Variants in HYDIN observed in about 807,000 individuals in gnomAD.
The protein encoded by HYDIN is axonemal central pair apparatus protein HYDIN.
Under a neutral mutation model 403.9 loss-of-function variants are expected in HYDIN, and 132 were observed. That is an observed-to-expected ratio of 0.33 (90% CI 0.28 to 0.38). The LOEUF (loss-of-function observed/expected upper bound fraction) is 0.38. Ranked by LOEUF, HYDIN falls within the 10% of genes least tolerant of loss-of-function variation. The probability of loss-of-function intolerance (pLI) is 1.00; values close to 1 mark genes in which losing one functional copy is unlikely to be tolerated. For synonymous variants in HYDIN, 1,202 were observed against 1,891.7 expected (o/e 0.64, Z 9.46); for missense variants, 2,827 against 5,009.5 (o/e 0.56, Z 13.15).
chr16:70,807,624 T>G lies in HYDIN; in HGVS notation c.15322A>C (p.Thr5108Pro). The stretch of plus-strand genomic sequence containing the variant: ...AGATAATAAACCCATTTAACTCCAG[T>G]CTCACTCCCTTCACCAGGAGGGCAG... ...VSCPPGEGSE[T>P]GVKWVYYLKG... Residue 5108 changes from threonine to proline, a missense_variant, in exon 86 of 86, where the codon ACT (threonine) becomes CCT (proline). Coordinates refer to ENST00000393567, the MANE Select transcript of HYDIN (RefSeq NM_001270974.2). 3 of 1,614,110 alleles carry G rather than the reference T, an allele frequency of 1.9e-6. No individual in the cohort carries two copies. The highest frequency in any genetic ancestry group is 2.5e-6 in the Non-Finnish European group (3 of 1,179,986).
chr16:71,048,981 G>A (rs1347085234), intron 18 of HYDIN, among the ~76,000 whole-genome samples: 1 of 152,196 alleles, frequency 6.6e-6, no homozygotes, highest in East Asian at 1.9e-4. Flanking sequence ...AGTTAAGAGG[G>A]CTGACTATAA....
chr16:71,064,741 T>C lies in HYDIN; in HGVS notation c.2175A>G (p.Gln725=), dbSNP rs779447998. ...PYEKTLQLAN[Q]DDLPGFYEVQ... ...CCTCATAGAATCCTGGGAGGTCATC[T>C]TGATTGGCAAGCTGGAGTGTTTTCT... Residue 725 remains glutamine, a synonymous_variant, in exon 16 of 86, where the codon CAA becomes CAG. Transcript: ENST00000393567. The C allele has an allele frequency of 3.1e-6, 5 of 1,614,140 alleles. No homozygotes were observed.
At chr16:71,207,717 G>C (rs2088372907) in intron 1 of HYDIN, among the ~76,000 whole-genome samples, 2 of 152,042 alleles carry the variant, frequency 1.3e-5, no homozygotes, top group African/African-American at 4.8e-5. Context: ...GAAGTAAAGG[G>C]ATGGAGAAAA....
At chr16:71,057,715 T>G (rs1048993223) in intron 18 of HYDIN, among the ~76,000 whole-genome samples, 10 of 150,906 alleles carry the variant, frequency 6.6e-5, no homozygotes, top group African/African-American at 2.4e-4. Context: ...AGGGCTAATA[T>G]CCAGAATCTA....
chr16:71,228,057 G>A (rs2041117710), intron 1 of HYDIN, among the ~76,000 whole-genome samples: 2 of 152,084 alleles, frequency 1.3e-5, no homozygotes, highest in African/African-American at 4.8e-5. Flanking sequence ...ACAAGAAATG[G>A]GGAAAGGATT....
intron 76 of HYDIN, among the ~76,000 whole-genome samples, chr16:70,839,783 T>C (rs1443883477): frequency 1.4e-5 from 2 of 145,384 alleles, no homozygotes; most frequent in East Asian, 4.2e-4. Context: ...TCCAAGTCTA[T>C]TGCACGACAA....
chr16:71,062,605 C>T, intron 16 of HYDIN: 1 of 308,822 alleles, frequency 3.2e-6, no homozygotes, highest in East Asian at 6.3e-5. Flanking sequence ...TTTCCACTTT[C>T]CTTAGGAAAA....
At chr16:71,190,505 A>G (rs2144677918) in intron 1 of HYDIN, among the ~76,000 whole-genome samples, 1 of 152,366 alleles carries the variant, frequency 6.6e-6, no homozygotes, top group East Asian at 1.9e-4. Context: ...CTATTTTAGT[A>G]TAAATTGCAT....
intron 13 of HYDIN, among the ~76,000 whole-genome samples, chr16:71,077,228 A>G (rs562201922): frequency 7.9e-5 from 12 of 152,164 alleles, no homozygotes; most frequent in East Asian, 1.9e-4. Flanking sequence ...GTACATTATA[A>G]TATCTGATAA....
chr16:70,946,889 T>G (rs2143901778), intron 41 of HYDIN, among the ~76,000 whole-genome samples: 1 of 152,336 alleles, frequency 6.6e-6, no homozygotes. Context: ...ACATTGATTT[T>G]GTATCCTGAG....
chr16:70,927,747 G>T (rs1309843072), intron 45 of HYDIN, among the ~76,000 whole-genome samples: 2 of 152,172 alleles, frequency 1.3e-5, no homozygotes, highest in Non-Finnish European at 2.9e-5. Context: ...AACACAGAAG[G>T]AGCACAATCA....
intron 44 of HYDIN, among the ~76,000 whole-genome samples, chr16:70,937,064 C>T (rs1207110825): frequency 6.6e-6 from 1 of 152,054 alleles, no homozygotes; most frequent in African/African-American, 2.4e-5. Context: ...TCCAGGAATT[C>T]CTAATTGTTT....
At chr16:71,084,859 G>T (rs904525879) in intron 12 of HYDIN, among the ~76,000 whole-genome samples, 19 of 151,390 alleles carry the variant, frequency 1.3e-4, no homozygotes, top group Non-Finnish European at 2.4e-4. Flanking sequence ...AAATAATCAT[G>T]TGGTTTTTGT....
At chr16:71,114,622 G>T (rs2144461360) in intron 10 of HYDIN, among the ~76,000 whole-genome samples, 1 of 148,718 alleles carries the variant, frequency 6.7e-6, no homozygotes, top group African/African-American at 2.5e-5. Flanking sequence ...ACACATGCAT[G>T]TACACATGCA....
chr16:70,937,952 G>A (rs1490555030), intron 44 of HYDIN, among the ~76,000 whole-genome samples: 2 of 152,160 alleles, frequency 1.3e-5, no homozygotes, highest in African/African-American at 2.4e-5. Flanking sequence ...GCAGTCCTAA[G>A]TATCCTGGGC....
intron 1 of HYDIN, among the ~76,000 whole-genome samples, chr16:71,210,369 G>A (rs1206921203): frequency 2.0e-5 from 3 of 152,152 alleles, no homozygotes; most frequent in African/African-American, 7.2e-5. Context: ...GAACATGGAT[G>A]GAACGTTAGA....
intron 68 of HYDIN, among the ~76,000 whole-genome samples, 189 bp from the exon 69 acceptor site, chr16:70,862,444 GA>G (rs1397158731): frequency 8.6e-6 from 1 of 116,620 alleles, no homozygotes; most frequent in Non-Finnish European, 1.8e-5. Context: ...GGAGACTCAT[GA>G]AAAATGTTTC....
intron 8 of HYDIN, among the ~76,000 whole-genome samples, chr16:71,134,331 A>C (rs918426688): frequency 6.6e-6 from 1 of 151,926 alleles, no homozygotes; most frequent in Non-Finnish European, 1.5e-5. Context: ...GTCTGACCTG[A>C]AAGTTTACCA....
intron 7 of HYDIN, among the ~76,000 whole-genome samples, chr16:71,148,579 A>G (rs2085409056): frequency 6.6e-6 from 1 of 152,168 alleles, no homozygotes; most frequent in African/African-American, 2.4e-5. Flanking sequence ...ACATAAATTT[A>G]GAAAATAAGC....
Sources: gnomAD v4.1 joint callset for allele counts (sites outside exome capture counted in the v4.1 genomes callset) on GRCh38, gnomAD v4.1.1 for gene constraint, MANE v1.5 for transcripts, NCBI Gene and HGNC (gene_info 2026-07-23, HGNC 2026-07-21) for gene names.